EYS: variants seen among roughly 807,000 people sequenced by gnomAD.
EYS encodes the protein protein eyes shut homolog.
A neutral mutation model predicts 282.1 loss-of-function variants in EYS; 250 were observed. The observed-to-expected ratio is 0.89, with a 90% CI of 0.80 to 0.98. The LOEUF (loss-of-function observed/expected upper bound fraction) is 0.98. Among genes scored for constraint, EYS ranks in the 50% least tolerant of loss-of-function variants. The pLI is 0.00. For missense variants in EYS, 4,016 were observed against 3,709.0 expected, an observed-to-expected ratio of 1.08 and a Z score of -2.15; for synonymous variants, 1,355 against 1,282.9, an observed-to-expected ratio of 1.06 and a Z score of -1.20.
intron 1 of EYS, among the ~76,000 whole-genome samples, chr6:65,651,917 C>T (rs12526328): frequency 0.16 from 24,130 of 151,800 alleles, 2,071 homozygotes; most frequent in South Asian, 0.3. Flanking sequence ...ATAACTAATA[C>T]GCTAAATTGA....
intron 12 of EYS, among the ~76,000 whole-genome samples, chr6:65,098,866 A>G (rs1774811413): frequency 6.6e-6 from 1 of 150,806 alleles, no homozygotes; most frequent in Non-Finnish European, 1.5e-5. Flanking sequence ...AAGGAAGCTA[A>G]AATTGAAATC....
At chr6:65,443,581 T>C (rs1157668550) in intron 5 of EYS, among the ~76,000 whole-genome samples, 3 of 151,694 alleles carry the variant, frequency 2.0e-5, no homozygotes, top group South Asian at 4.1e-4. Context: ...TATGTGTATA[T>C]ACACATATAC....
intron 12 of EYS, among the ~76,000 whole-genome samples, chr6:65,157,317 G>A (rs1279494513): frequency 1.3e-5 from 2 of 150,830 alleles, no homozygotes; most frequent in African/African-American, 4.8e-5. Context: ...TTATGGAAAT[G>A]TTTACTAGCC....
chr6:65,180,743 T>C (rs1765357912), intron 12 of EYS, among the ~76,000 whole-genome samples: 1 of 152,032 alleles, frequency 6.6e-6, no homozygotes, highest in African/African-American at 2.4e-5. Context: ...GAGCCTGCAT[T>C]GCCAAGTCAA....
intron 2 of EYS, among the ~76,000 whole-genome samples, chr6:65,555,374 C>A (rs1201179202): frequency 6.6e-6 from 1 of 151,968 alleles, no homozygotes; most frequent in Non-Finnish European, 1.5e-5. Flanking sequence ...TTTATTTCTT[C>A]TCTTATCTTT....
chr6:64,154,976 A>G (rs1392030605), intron 31 of EYS, among the ~76,000 whole-genome samples: 2 of 152,150 alleles, frequency 1.3e-5, no homozygotes, highest in Non-Finnish European at 2.9e-5. Flanking sequence ...GGGATTGTAA[A>G]ACTAGCAAGC....
At chr6:64,451,166 A>G (rs1339231451) in intron 26 of EYS, among the ~76,000 whole-genome samples, 8 of 152,330 alleles carry the variant, frequency 5.3e-5, no homozygotes, top group South Asian at 4.1e-4. Flanking sequence ...TAAAAAAATG[A>G]CAAAGGGGAT....
At chr6:63,779,646 G>C (rs1770157755) in intron 39 of EYS, among the ~76,000 whole-genome samples, 1 of 151,706 alleles carries the variant, frequency 6.6e-6, no homozygotes, top group Non-Finnish European at 1.5e-5. Flanking sequence ...AAATAAATGG[G>C]AACATCAACC....
chr6:64,993,102 A>C (rs1299634479), intron 14 of EYS, among the ~76,000 whole-genome samples: 1 of 152,088 alleles, frequency 6.6e-6, no homozygotes, highest in East Asian at 1.9e-4. Context: ...ACTGTATAGC[A>C]AAGGCTGTTC....
intron 22 of EYS, among the ~76,000 whole-genome samples, chr6:64,792,402 T>G (rs1438830791): frequency 6.6e-6 from 1 of 151,930 alleles, no homozygotes; most frequent in East Asian, 1.9e-4. Flanking sequence ...ATTGTTACTG[T>G]GGAGAATTTT....
intron 12 of EYS, among the ~76,000 whole-genome samples, chr6:65,168,352 G>A (rs1017967734): frequency 2.0e-5 from 3 of 151,224 alleles, no homozygotes; most frequent in African/African-American, 7.3e-5. Flanking sequence ...TGCCATAACA[G>A]AATACCATAA....
intron 31 of EYS, among the ~76,000 whole-genome samples, chr6:64,215,477 T>G (rs181409274): frequency 1.9e-3 from 285 of 152,186 alleles, no homozygotes; most frequent in Non-Finnish European, 2.9e-3. Flanking sequence ...GAATATAAAA[T>G]TTTAAAATAT....
At chr6:65,429,539 G>A (rs1053557617) in intron 5 of EYS, among the ~76,000 whole-genome samples, 3 of 152,018 alleles carry the variant, frequency 2.0e-5, no homozygotes, top group East Asian at 1.9e-4. Context: ...TTCATTGTCC[G>A]TATACAGTAG....
At chr6:65,405,936 A>C (rs1243144961) in intron 5 of EYS, among the ~76,000 whole-genome samples, 1 of 152,114 alleles carries the variant, frequency 6.6e-6, no homozygotes, top group Admixed American at 6.6e-5. Flanking sequence ...AAAGAATCCC[A>C]GGAGTGGAAT....
At chr6:63,941,762 C>T (rs931244172) in intron 35 of EYS, among the ~76,000 whole-genome samples, 4 of 152,080 alleles carry the variant, frequency 2.6e-5, no homozygotes, top group Non-Finnish European at 5.9e-5. Flanking sequence ...CTTACCTATA[C>T]AGCTGCTAAG....
At position 63,990,561 on chromosome 6, in the gene EYS, T is replaced by C. The variant is rs907995042; in HGVS notation, c.6835-5958A>G. Among the ~76,000 whole-genome samples the C allele has an allele frequency of 3.3e-5, 5 of 151,772 alleles. No homozygotes were observed. In the East Asian group the frequency reaches 5.8e-4, roughly 18 times the overall value. Reference sequence around the variant, plus strand: ...TTCTGATCCAGGAAAGGGTACCACATTGGGGATCACTGAGAACAAAGGTGA... The same window carrying C: ...TTCTGATCCAGGAAAGGGTACCACACTGGGGATCACTGAGAACAAAGGTGA... On this transcript the variant is annotated intron_variant, in intron 34 of 42. Coordinates refer to ENST00000503581, the MANE Select transcript of EYS (RefSeq NM_001142800.2).
chr6:65,345,301 A>T lies in EYS; in HGVS notation c.1460-1124T>A, dbSNP rs141632219. 3.3e-3 allele frequency among the ~76,000 whole-genome samples: 501 copies of T among 151,910 alleles called. 4 individuals carry two copies. The highest frequency in any genetic ancestry group is 0.011 in the African/African-American group (454 of 41,532). On this transcript the variant is annotated intron_variant, in intron 9 of 42. Coordinates refer to ENST00000503581, the MANE Select transcript of EYS (RefSeq NM_001142800.2). ...TATCAGATCAAACACAAGAGAAGAA[A>T]AGATCAGTAAATTTAATGATAGGTC...
At chr6:64,510,553 A>C (rs1270766055) in intron 26 of EYS, among the ~76,000 whole-genome samples, 2 of 152,172 alleles carry the variant, frequency 1.3e-5, no homozygotes, top group African/African-American at 4.8e-5. Context: ...AACTATCTCT[A>C]AAAAATCAAA....
Position 64,353,481 on chromosome 6 carries a change from G to A in EYS, c.6078+35209C>T, listed in dbSNP as rs1771716410. 2.0e-5 allele frequency among the ~76,000 whole-genome samples: 3 copies of A among 151,728 alleles called. No individual in the cohort carries two copies. In the South Asian group the frequency reaches 6.2e-4, roughly 31 times the overall value. ...TAAAAGATCTTCCCATTACTTGGTT[G>A]AAGCAGACCTGGTGTAATTTCAAGG... is the stretch of plus-strand genomic sequence containing the variant. On this transcript the variant is annotated intron_variant, in intron 29 of 42. Coordinates refer to ENST00000503581, the MANE Select transcript of EYS (RefSeq NM_001142800.2).
Sources: gnomAD v4.1 joint callset for allele counts (sites outside exome capture counted in the v4.1 genomes callset) on GRCh38, gnomAD v4.1.1 for gene constraint, MANE v1.5 for transcripts, NCBI Gene and HGNC (gene_info 2026-07-23, HGNC 2026-07-21) for gene names.